Variants in LHPP observed in about 807,000 individuals in gnomAD.
LHPP encodes the protein hLHPP.
In LHPP, 24 loss-of-function variants were observed where a neutral mutation model predicts 30.3. The ratio of observed to expected loss-of-function variants is 0.79; its 90% CI spans 0.57 to 1.11. The LOEUF (loss-of-function observed/expected upper bound fraction) is 1.11, where lower values mean the gene tolerates loss of function less well. Ranked by LOEUF, LHPP falls within the 50% of genes most tolerant of loss-of-function variation. The pLI is 0.00. For synonymous variants in LHPP, 150 were observed against 157.1 expected (o/e 0.95, Z 0.34); for missense variants, 356 against 367.2 (o/e 0.97, Z 0.25).
At chr10:124,470,768 G>A (rs538807804) in intron 1 of LHPP, among the ~76,000 whole-genome samples, 25 of 152,184 alleles carry the variant, frequency 1.6e-4, no homozygotes, top group Middle Eastern at 3.4e-3. Flanking sequence ...GGCACCTGCC[G>A]GAGGGGTCTG....
intron 6 of LHPP, among the ~76,000 whole-genome samples, chr10:124,528,261 C>T (rs1954796237): frequency 6.6e-6 from 1 of 152,272 alleles, no homozygotes. Context: ...TACACTGACT[C>T]TGGGGTTCTG....
chr10:124,477,587 A>G (rs1952990757), intron 1 of LHPP, among the ~76,000 whole-genome samples: 1 of 152,020 alleles, frequency 6.6e-6, no homozygotes, highest in South Asian at 2.1e-4. Flanking sequence ...GGCCCGTCAG[A>G]TCTGGAACTT....
chr10:124,555,874 C>G (rs1370630894), intron 6 of LHPP, among the ~76,000 whole-genome samples: 1 of 152,176 alleles, frequency 6.6e-6, no homozygotes, highest in African/African-American at 2.4e-5. Context: ...CCTTGCTGAA[C>G]CTGCACCCAA....
intron 6 of LHPP, among the ~76,000 whole-genome samples, chr10:124,589,132 C>A (rs1948845216): frequency 6.6e-6 from 1 of 152,260 alleles, no homozygotes. Context: ...CAAGCAGAAC[C>A]TGTTCCTGCT....
Position 124,523,859 on chromosome 10 carries a change from A to G in LHPP, c.716+6588A>G, listed in dbSNP as rs1020642685. 2.6e-5 allele frequency among the ~76,000 whole-genome samples: 4 copies of G among 152,104 alleles called. No individual in the cohort carries two copies. The highest frequency in any genetic ancestry group is 9.7e-5 in the African/African-American group (4 of 41,426). On this transcript the variant is annotated intron_variant, in intron 6 of 6. Transcript: ENST00000368842. The surrounding 1 kb of genome is among the most constrained non-coding windows in gnomAD (Gnocchi z 4.2). ...GGGCACCGGGAACAGGCCTGTGGAA[A>G]AATCCACTGTGCAATGAGTCCGTGA...
At chr10:124,513,494 T>C (rs1316466908) in intron 5 of LHPP, among the ~76,000 whole-genome samples, 1 of 126,766 alleles carries the variant, frequency 7.9e-6, no homozygotes, top group Non-Finnish European at 1.6e-5. Context: ...AGACCGAGTC[T>C]CACTCCATCG....
chr10:124,550,722 C>T (rs1371358931), intron 6 of LHPP, among the ~76,000 whole-genome samples: 1 of 152,230 alleles, frequency 6.6e-6, no homozygotes, highest in Non-Finnish European at 1.5e-5. Flanking sequence ...TTCCCCTCTC[C>T]AGGCGGCGAT....
chr10:124,591,088 G>A (rs1286837009), intron 6 of LHPP, among the ~76,000 whole-genome samples: 1 of 152,222 alleles, frequency 6.6e-6, no homozygotes, highest in Non-Finnish European at 1.5e-5. Context: ...AATAAGCCGG[G>A]GGGAAGGGGG....
chr10:124,599,952 T>A (rs1406240791), intron 6 of LHPP, among the ~76,000 whole-genome samples: 7 of 152,212 alleles, frequency 4.6e-5, no homozygotes, highest in African/African-American at 1.7e-4. Flanking sequence ...GGGGGTAGGA[T>A]AGGTCCTGAA....
chr10:124,505,882 TGAG>T (rs1208965940), intron 5 of LHPP, among the ~76,000 whole-genome samples: 1 of 152,046 alleles, frequency 6.6e-6, no homozygotes, highest in African/African-American at 2.4e-5. Flanking sequence ...GTTTCACAGG[TGAG>T]GAGCCTGAAG....
At position 124,496,827 on chromosome 10, in the gene LHPP, G is replaced by A. The variant is rs981604896; in HGVS notation, c.468-134G>A. 8.0e-6 allele frequency: 6 copies of A among 748,044 alleles called. No individual in the cohort carries two copies. Among genetic ancestry groups the A allele is most frequent in the Admixed American group, 2.3e-5 (1 of 43,032 alleles). 46.3% of individuals were successfully genotyped at this position (748,044 alleles called of 1,614,324 possible). A position where few individuals can be genotyped will look rare whatever the true frequency, so the allele number is the denominator to read the frequency against. On this transcript the variant is annotated intron_variant, in intron 3 of 6. Coordinates refer to ENST00000368842, the MANE Select transcript of LHPP (RefSeq NM_022126.4). The surrounding 1 kb of genome is among the most constrained non-coding windows in gnomAD (Gnocchi z 4.3). ...CCCCTGCGGTCATTCTCAGCGTAGC[G>A]CCTGGACTGCCCCTCAGCCGCGGCT...
chr10:124,506,506 A>G (rs1004132698), intron 5 of LHPP, among the ~76,000 whole-genome samples: 1 of 151,632 alleles, frequency 6.6e-6, no homozygotes, highest in Non-Finnish European at 1.5e-5. Flanking sequence ...GGAGAACTCT[A>G]GTACTGAACC....
At chr10:124,476,167 T>C (rs1350816370) in intron 1 of LHPP, among the ~76,000 whole-genome samples, 3 of 151,968 alleles carry the variant, frequency 2.0e-5, no homozygotes, top group Non-Finnish European at 4.4e-5. Flanking sequence ...GCCGTCCCGC[T>C]AAGGTGACTG....
chr10:124,588,361 G>T (rs1305945133), intron 6 of LHPP, among the ~76,000 whole-genome samples: 2 of 151,198 alleles, frequency 1.3e-5, no homozygotes, highest in South Asian at 4.2e-4. Flanking sequence ...GCACAATCTT[G>T]GCTCACTGCA....
At chr10:124,573,848 C>T (rs1439443772) in intron 6 of LHPP, among the ~76,000 whole-genome samples, 1 of 152,108 alleles carries the variant, frequency 6.6e-6, no homozygotes, top group Non-Finnish European at 1.5e-5. Flanking sequence ...GCTTAGCTGT[C>T]GGGGGCTGTG....
chr10:124,565,588 G>A (rs951021201), intron 6 of LHPP, among the ~76,000 whole-genome samples: 2 of 152,204 alleles, frequency 1.3e-5, no homozygotes, highest in Non-Finnish European at 2.9e-5. Flanking sequence ...GGACGCACTG[G>A]GGAGGACATT....
intron 6 of LHPP, among the ~76,000 whole-genome samples, chr10:124,546,446 A>G (rs1482923968): frequency 6.6e-6 from 1 of 152,222 alleles, no homozygotes; most frequent in African/African-American, 2.4e-5. Context: ...TCTGTCGCCC[A>G]GGCTGGAGTG....
At chr10:124,545,797 G>A (rs1955323253) in intron 6 of LHPP, among the ~76,000 whole-genome samples, 1 of 152,154 alleles carries the variant, frequency 6.6e-6, no homozygotes, top group African/African-American at 2.4e-5. Flanking sequence ...GCATAATTTG[G>A]GTCTGTAAAG....
At chr10:124,542,377 G>GT (rs1955218549) in intron 6 of LHPP, among the ~76,000 whole-genome samples, 1 of 152,218 alleles carries the variant, frequency 6.6e-6, no homozygotes, top group South Asian at 2.1e-4. Context: ...CCACCTACAG[G>GT]TGAGGGCACA....
Sources: gnomAD v4.1 joint callset for allele counts (sites outside exome capture counted in the v4.1 genomes callset) on GRCh38, gnomAD v4.1.1 for gene constraint, Gnocchi (gnomAD v3.1) non-coding constraint, MANE v1.5 for transcripts, NCBI Gene and HGNC (gene_info 2026-07-23, HGNC 2026-07-21) for gene names.